Variants in DICER1 observed in about 807,000 individuals in gnomAD.
DICER1 encodes dicer 1, ribonuclease III.
Under a neutral mutation model 194.1 loss-of-function variants are expected in DICER1, and 43 were observed. The ratio of observed to expected loss-of-function variants is 0.22; its 90% CI spans 0.17 to 0.29. The LOEUF (loss-of-function observed/expected upper bound fraction) is 0.29, where lower values mean the gene tolerates loss of function less well. Among genes scored for constraint, DICER1 ranks in the 10% least tolerant of loss-of-function variants. The probability of loss-of-function intolerance (pLI) is 1.00; values close to 1 mark genes in which losing one functional copy is unlikely to be tolerated. For missense variants in DICER1, 1,608 were observed against 2,317.0 expected (o/e 0.69, Z 6.28); for synonymous variants, 832 against 820.5 (o/e 1.01, Z -0.24).
rs538838304 is a variant in DICER1, at chr14:95,131,593, A to G, written c.354T>C (p.Asp118=). The G allele has an allele frequency of 3.0e-5, 48 of 1,613,440 alleles. No individual in the cohort carries two copies. In the South Asian group the frequency reaches 5.2e-4, roughly 17 times the overall value. Residue 118 remains aspartate, a synonymous_variant, in exon 4 of 27, where the codon GAT becomes GAC. Coordinates refer to ENST00000343455, the MANE Select transcript of DICER1 (RefSeq NM_177438.3). ...GGTTTGAGTATTCCCCAACCTTGAG[A>G]TCTGAATGAGTTCTGACAGCTGACA... ...QQVSAVRTHS[D]LKVGEYSNLE... is the part of the protein sequence containing the mutation.
chr14:95,104,222 C>A (rs991410350), intron 20 of DICER1, 96 bp from the exon 21 acceptor site: 18 of 997,244 alleles, frequency 1.8e-5, no homozygotes, highest in Non-Finnish European at 2.4e-5. Context: ...ACAAAGATCC[C>A]AAAAATGTAC....
At chr14:95,099,980 C>T (rs1890736071) in intron 21 of DICER1, 45 bp from the exon 22 acceptor site, 28 of 1,606,896 alleles carry the variant, frequency 1.7e-5, no homozygotes, top group Non-Finnish European at 2.2e-5. Flanking sequence ...ATGATCACTG[C>T]TGGAATTCAT....
At chr14:95,145,598 A>C (rs1364149542) in intron 1 of DICER1, among the ~76,000 whole-genome samples, 1 of 152,202 alleles carries the variant, frequency 6.6e-6, no homozygotes, top group African/African-American at 2.4e-5. Flanking sequence ...AAGTATTTCA[A>C]GGATTTATCA....
intron 1 of DICER1, among the ~76,000 whole-genome samples, chr14:95,144,379 A>T (rs1441232884): frequency 6.6e-6 from 1 of 152,160 alleles, no homozygotes; most frequent in Non-Finnish European, 1.5e-5. Flanking sequence ...GTTCAGTGTC[A>T]GAATACCAAG....
chr14:95,105,787 T>G lies in DICER1; in HGVS notation c.2988-4A>C, dbSNP rs2883264. ...TCGAGGTGTCAAAAGATTAAGTCTG[T>G]AAGAATTCCAAAACAATTTTATCAA... On this transcript the variant is annotated splice_polypyrimidine_tract_variant and splice_region_variant and intron_variant, in intron 18 of 26. Transcript: ENST00000343455. This position sits in a 1 kb window ranked among gnomAD's most constrained non-coding sequence, Gnocchi z 4.9. 4 of 1,611,752 alleles carry G rather than the reference T, an allele frequency of 2.5e-6. No homozygotes were observed. Among genetic ancestry groups the G allele is most frequent in the Non-Finnish European group, 2.5e-6 (3 of 1,177,970 alleles).
chr14:95,145,518 T>C (rs1207173214), intron 1 of DICER1, among the ~76,000 whole-genome samples: 1 of 152,122 alleles, frequency 6.6e-6, no homozygotes, highest in East Asian at 1.9e-4. Context: ...ATAGTAATAA[T>C]CATGGATATT....
intron 14 of DICER1, among the ~76,000 whole-genome samples, chr14:95,109,182 T>C (rs1322604023): frequency 4.6e-5 from 7 of 152,236 alleles, no homozygotes; most frequent in South Asian, 2.1e-4. Context: ...TACCTCATTA[T>C]GTGAGTGAAC....
Position 95,111,328 on chromosome 14 carries a change from A to G in DICER1, c.2245T>C (p.Tyr749His). The change falls in exon 14 of 27, where the codon TAC (tyrosine) becomes CAC (histidine). Residue 749 changes from tyrosine to histidine, a missense_variant. This residue lies in a region of DICER1 where 657 missense variants were observed against 910.1 expected (regional missense o/e 0.72). Coordinates refer to ENST00000343455, the MANE Select transcript of DICER1 (RefSeq NM_177438.3). Reference sequence around the variant, plus strand: ...TAACCAATACTAACTGCTTTTGGGTAGCACTGCCTTCGTTTCGTGGAACCT... The same window carrying G: ...TAACCAATACTAACTGCTTTTGGGTGGCACTGCCTTCGTTTCGTGGAACCT... Reference protein sequence around the residue: ...RPGSTKRRQCYPKAIPECLRD... With the variant: ...RPGSTKRRQCHPKAIPECLRD... 1 of 1,614,220 alleles carries G rather than the reference A, an allele frequency of 6.2e-7. No homozygotes were observed. Among genetic ancestry groups the G allele is most frequent in the South Asian group, 1.1e-5 (1 of 91,078 alleles).
chr14:95,125,116 T>C (rs1276080130), intron 7 of DICER1, among the ~76,000 whole-genome samples: 1 of 152,238 alleles, frequency 6.6e-6, no homozygotes, highest in East Asian at 1.9e-4. Flanking sequence ...CTAGAAACTG[T>C]GGATGAATTT....
chr14:95,135,264 C>T (rs1894274511), intron 1 of DICER1, among the ~76,000 whole-genome samples: 1 of 152,130 alleles, frequency 6.6e-6, no homozygotes, highest in Admixed American at 6.5e-5. Flanking sequence ...TTCACCCAAC[C>T]CAAATGCTAA....
rs1595329576 is a variant in DICER1 at position 95,093,944 on chromosome 14, C to G, written c.5308G>C (p.Asp1770His). 1 of 1,614,160 alleles carries G rather than the reference C, an allele frequency of 6.2e-7. No homozygotes were observed. Among genetic ancestry groups the G allele is most frequent in the Non-Finnish European group, 8.5e-7 (1 of 1,180,028 alleles). ...TCAAGCTGAAACTGCACAAAGTCAT[C>G]AATGACATGGAAGAGCTCAGGAGAG... is the stretch of plus-strand genomic sequence containing the variant. The part of the protein sequence containing the change: ...AVSPELFHVI[D>H]DFVQFQLEKN... Residue 1770 changes from aspartate to histidine, a missense_variant, in exon 24 of 27, where the codon GAT becomes CAT. Asp to His is a moderately conservative substitution (Grantham distance 81, BLOSUM62 -1). Around this residue, in one of 10 missense-constraint regions of DICER1, gnomAD observed 138 missense variants for 298.3 expected, o/e 0.46. Transcript: ENST00000343455.
intron 3 of DICER1, among the ~76,000 whole-genome samples, 184 bp from the exon 4 acceptor site, chr14:95,131,823 A>G (rs530625505): frequency 4.0e-4 from 61 of 152,308 alleles, no homozygotes; most frequent in African/African-American, 1.4e-3. Context: ...GGCACCTACT[A>G]GACTTGCCAC....
In DICER1 at chr14:95,103,728, T is replaced by C. The variant is rs1595365501; in HGVS notation, c.3668A>G (p.Tyr1223Cys). ...GGGCTGGGGCTGGTTCTCGTAACTGTATAAATTCTGAATGGAATATGAGGT... is the reference window on the plus strand; with the variant it reads ...GGGCTGGGGCTGGTTCTCGTAACTGCATAAATTCTGAATGGAATATGAGGT... ...PTTSYSIQNL[Y>C]SYENQPQPSD... Residue 1223 changes from tyrosine (Y) to cysteine (C), a missense_variant, in exon 21 of 27, where the codon TAC becomes TGC. Physicochemically the swap from Tyr to Cys is radical, Grantham distance 194 (BLOSUM62 -2). This residue lies in a region of DICER1 where 222 missense variants were observed against 215.5 expected (regional missense o/e 1.03). Coordinates refer to ENST00000343455, the MANE Select transcript of DICER1 (RefSeq NM_177438.3). 6.2e-7 allele frequency: 1 copy of C among 1,614,108 alleles called. No homozygotes were observed.
In DICER1 at chr14:95,153,216, CA is replaced by C. The variant is rs201007123; in HGVS notation, c.-46+4013del. ...TGGGCAACGTAGTGAGACTCCGTCT[CA>C]AAAAAAAAAAAAAGACTGGGTGAGA... On this transcript the variant is annotated intron_variant, in intron 1 of 26. Coordinates refer to ENST00000343455, the MANE Select transcript of DICER1 (RefSeq NM_177438.3). Among the ~76,000 whole-genome samples the C allele has an allele frequency of 9.9e-3, 1,109 of 111,496 alleles. 3 individuals are homozygous for C. The highest frequency in any genetic ancestry group is 0.025 in the African/African-American group (813 of 32,428). 73.1% of individuals were successfully genotyped at this position (111,496 alleles called of 152,430 possible). A position where few individuals can be genotyped will look rare whatever the true frequency, so the allele number is the denominator to read the frequency against.
intron 1 of DICER1, among the ~76,000 whole-genome samples, chr14:95,151,585 G>A (rs946323989): frequency 1.3e-5 from 2 of 152,182 alleles, no homozygotes; most frequent in Non-Finnish European, 2.9e-5. Flanking sequence ...CATATGCCCA[G>A]TGCTCATCGG....
intron 11 of DICER1, among the ~76,000 whole-genome samples, chr14:95,114,378 G>A (rs1892249689): frequency 6.6e-6 from 1 of 152,128 alleles, no homozygotes; most frequent in South Asian, 2.1e-4. Context: ...AAATGATAAT[G>A]ATAGATTATA....
intron 1 of DICER1, among the ~76,000 whole-genome samples, chr14:95,143,069 T>A (rs918709769): frequency 7.9e-5 from 12 of 152,186 alleles, no homozygotes; most frequent in Non-Finnish European, 1.2e-4. Flanking sequence ...GCATGACTTC[T>A]ATAAAGTTCC....
At position 95,117,767 on chromosome 14, in the gene DICER1, T is replaced by C. The variant is rs759101895; in HGVS notation, c.1377-13A>G. ...TTCCTTTATCAATCTAAGAAAATTA[T>C]ACACATTTGGAAGTTAAACGTTGCT... is the stretch of plus-strand genomic sequence containing the variant. On this transcript the variant is annotated splice_polypyrimidine_tract_variant and intron_variant, in intron 8 of 26. Coordinates refer to ENST00000343455, the MANE Select transcript of DICER1 (RefSeq NM_177438.3). 1 of 1,613,466 alleles carries C rather than the reference T, an allele frequency of 6.2e-7. No homozygotes were observed. Among genetic ancestry groups the C allele is most frequent in the African/African-American group, 1.3e-5 (1 of 75,014 alleles).
chr14:95,133,480 G>C lies in DICER1; in HGVS notation c.-22C>G. On this transcript the variant is annotated 5_prime_UTR_variant, in exon 2 of 27. Transcript: ENST00000343455. ...TCATTCATCCAGTGTTTCTTTCATT[G>C]CATTTTTGTTCTAGCACAGCTTACT... The C allele has an allele frequency of 2.5e-6, 4 of 1,604,608 alleles. No individual in the cohort carries two copies. The highest frequency in any genetic ancestry group is 1.3e-5 in the African/African-American group (1 of 74,864).
Sources: gnomAD v4.1 joint callset for allele counts (sites outside exome capture counted in the v4.1 genomes callset) on GRCh38, gnomAD v4.1.1 for gene constraint, gnomAD v4.1.1 regional missense constraint, Gnocchi (gnomAD v3.1) non-coding constraint, MANE v1.5 for transcripts, NCBI Gene and HGNC (gene_info 2026-07-23, HGNC 2026-07-21) for gene names.